The following SHANK1 variants were observed in gnomAD, a reference collection of about 807,000 sequenced individuals.
SHANK1 encodes the protein SH3 and multiple ankyrin repeat domains 1.
SHANK1 carries 35 observed loss-of-function variants against 165.6 expected under a neutral mutation model. The observed-to-expected ratio is 0.21, with a 90% CI of 0.16 to 0.28. SHANK1 has a LOEUF of 0.28. SHANK1 is among the 10% of genes least tolerant of loss of function. SHANK1 has a pLI of 1.00. For missense variants in SHANK1, 2,681 were observed against 3,036.4 expected, an observed-to-expected ratio of 0.88 and a Z score of 2.75; for synonymous variants, 1,428 against 1,384.8, an observed-to-expected ratio of 1.03 and a Z score of -0.69.
At chr19:50,709,125 T>C (rs1437952573) in intron 8 of SHANK1, among the ~76,000 whole-genome samples, 4 of 152,230 alleles carry the variant, frequency 2.6e-5, no homozygotes, top group African/African-American at 9.6e-5. Context: ...TTGATCCTTT[T>C]GCATGGTAGA....
intron 21 of SHANK1, among the ~76,000 whole-genome samples, chr19:50,682,756 G>C (rs192824339): frequency 4.6e-5 from 7 of 152,290 alleles, no homozygotes; most frequent in Admixed American, 1.3e-4. Context: ...AGTGAATATG[G>C]ATGGTAGCAT....
intron 21 of SHANK1, among the ~76,000 whole-genome samples, chr19:50,672,542 C>T: frequency 7.9e-6 from 1 of 125,954 alleles, no homozygotes. Context: ...GGCGACAGAG[C>T]CAGACTCTGT....
In SHANK1 at chr19:50,686,873, CGGCCTGTGGGCGTGGCCAGCAGGTGCG is replaced by C. The variant is rs1392801468; in HGVS notation, c.2390-88_2390-62del. 104 of 1,596,820 alleles carry C rather than the reference CGGCCTGTGGGCGTGGCCAGCAGGTGCG, an allele frequency of 6.5e-5. No homozygotes were observed. The Admixed American group carries it at 9.8e-4, about 15-fold the overall frequency. ...CCCCGGGGGCGGGGCGGAGCGGGCT[CGGCCTGTGGGCGTGGCCAGCAGGTGCG>C]GGCCAGTGGGCGTGGCGGGCGCGAG... On this transcript the variant is annotated intron_variant, in intron 19 of 23. Transcript: ENST00000293441. The surrounding 1 kb of genome is among the most constrained non-coding windows in gnomAD (Gnocchi z 5.7).
chr19:50,716,193 AGT>A lies in SHANK1; in HGVS notation c.459+80_459+81del. On this transcript the variant is annotated intron_variant, in intron 3 of 23. Coordinates refer to ENST00000293441, the MANE Select transcript of SHANK1 (RefSeq NM_016148.5). The surrounding 1 kb of genome is among the most constrained non-coding windows in gnomAD (Gnocchi z 8.4). ...TGGGTGCCCCCTCGTTAAGGTTTCG[AGT>A]GTGTTAAAAAGTGGGTGGGGGGCAG... The A allele has an allele frequency of 7.5e-7, 1 of 1,328,600 alleles. No homozygotes were observed. The highest frequency in any genetic ancestry group is 1.1e-6 in the Non-Finnish European group (1 of 930,298). The allele number at this position is 1,328,600 out of a possible 1,614,324, so 82.3% of individuals were successfully genotyped here. A position where few individuals can be genotyped will look rare whatever the true frequency, so the allele number is the denominator to read the frequency against.
chr19:50,705,526 T>C (rs1377429960), intron 8 of SHANK1, among the ~76,000 whole-genome samples: 1 of 152,180 alleles, frequency 6.6e-6, no homozygotes, highest in East Asian at 1.9e-4. Flanking sequence ...CCACTGGATG[T>C]TGGGGCCGGA....
In SHANK1 at chr19:50,702,788, G is replaced by A. The variant is rs374550994; in HGVS notation, c.1554-128C>T. 12 of 642,246 alleles carry A rather than the reference G, an allele frequency of 1.9e-5. No individual in the cohort carries two copies. Among genetic ancestry groups the A allele is most frequent in the South Asian group, 1.6e-4 (8 of 51,096 alleles). 39.8% of individuals were successfully genotyped at this position (642,246 alleles called of 1,614,324 possible). A position where few individuals can be genotyped will look rare whatever the true frequency, so the allele number is the denominator to read the frequency against. ...GGAGGGGGGGTTTCCCAGCACTGGC[G>A]TCCTCCAAGGAAGAGGGCATTTGGG... On this transcript the variant is annotated intron_variant, in intron 11 of 23. Transcript: ENST00000293441. The surrounding 1 kb of genome is among the most constrained non-coding windows in gnomAD (Gnocchi z 5.3).
chr19:50,689,089 T>A, intron 16 of SHANK1, 108 bp downstream of exon 16: 1 of 1,079,548 alleles, frequency 9.3e-7, no homozygotes, highest in Non-Finnish European at 1.4e-6. Context: ...CACCCCGGGG[T>A]GGGGTGGTGG....
intron 12 of SHANK1, among the ~76,000 whole-genome samples, chr19:50,699,444 A>G (rs1331600593): frequency 6.6e-6 from 1 of 152,144 alleles, no homozygotes; most frequent in African/African-American, 2.4e-5. Context: ...GCCAGATGGG[A>G]GTATATAACT....
chr19:50,673,646 G>A (rs895726718), intron 21 of SHANK1, among the ~76,000 whole-genome samples: 5 of 152,224 alleles, frequency 3.3e-5, no homozygotes, highest in Middle Eastern at 3.4e-3. Flanking sequence ...CCCTGAAGGC[G>A]GGGCTGATGT....
rs376613426 is a variant in SHANK1, at chr19:50,689,084, C to T, written c.2047+113G>A. 7.7e-4 allele frequency: 845 copies of T among 1,097,932 alleles called. 2 individuals are homozygous for T. The highest frequency in any genetic ancestry group is 1.5e-3 in the Middle Eastern group (5 of 3,350). The allele number at this position is 1,097,932 out of a possible 1,614,324, so 68.0% of individuals were successfully genotyped here. A position where few individuals can be genotyped will look rare whatever the true frequency, so the allele number is the denominator to read the frequency against. On this transcript the variant is annotated intron_variant, in intron 16 of 23. Coordinates refer to ENST00000293441, the MANE Select transcript of SHANK1 (RefSeq NM_016148.5). The stretch of plus-strand genomic sequence containing the variant: ...CACCGCAGCTGAGGGACCAGCACCC[C>T]GGGGTGGGGTGGTGGGCGGGCTGGG...
intron 9 of SHANK1, 85 bp from the exon 10 acceptor site, chr19:50,704,271 G>T: frequency 6.9e-7 from 1 of 1,438,912 alleles, no homozygotes; most frequent in Non-Finnish European, 9.8e-7. Flanking sequence ...TCCCTGGCCC[G>T]ACCCAAACCT....
In SHANK1 at chr19:50,686,033, A is replaced by T. The variant is rs1986320720; in HGVS notation, c.2577+204T>A. On this transcript the variant is annotated intron_variant, in intron 21 of 23. Transcript: ENST00000293441. The surrounding 1 kb of genome is among the most constrained non-coding windows in gnomAD (Gnocchi z 5.7). The stretch of plus-strand genomic sequence containing the variant: ...GGAAAGTGGAGAGAGAAAAGGACAG[A>T]GATGGGATTTGAGGGAAAGGGGATA... Among the ~76,000 whole-genome samples the T allele has an allele frequency of 7.2e-6, 1 of 139,458 alleles. No individual in the cohort carries two copies. Among genetic ancestry groups the T allele is most frequent in the African/African-American group, 2.5e-5 (1 of 39,646 alleles). 91.5% of individuals were successfully genotyped at this position (139,458 alleles called of 152,430 possible).
At chr19:50,711,869 G>A (rs1245968284) in intron 7 of SHANK1, 78 bp downstream of exon 7, 2 of 1,538,324 alleles carry the variant, frequency 1.3e-6, no homozygotes, top group East Asian at 4.5e-5. Flanking sequence ...CTGGCATCTG[G>A]TTCCCAGCCC....
At chr19:50,695,060 C>T (rs1986688340) in intron 15 of SHANK1, among the ~76,000 whole-genome samples, 1 of 146,648 alleles carries the variant, frequency 6.8e-6, no homozygotes, top group Non-Finnish European at 1.5e-5. Flanking sequence ...GCCCCAGCCC[C>T]GGCCCGGGTC....
At chr19:50,679,181 G>T (rs1223386214) in intron 21 of SHANK1, among the ~76,000 whole-genome samples, 1 of 148,378 alleles carries the variant, frequency 6.7e-6, no homozygotes, top group African/African-American at 2.5e-5. Context: ...GTGATGGGGG[G>T]GTGTCAGTGT....
chr19:50,704,221 G>C, intron 9 of SHANK1, 35 bp from the exon 10 acceptor site: 1 of 1,604,066 alleles, frequency 6.2e-7, no homozygotes, highest in Non-Finnish European at 8.5e-7. Flanking sequence ...TCGGCCAGGG[G>C]GGCCCAGGCA....
rs1225579975 is a variant in SHANK1 at position 50,668,804 on chromosome 19, G to C, written c.3156C>G (p.Gly1052=). 7.9e-7 allele frequency: 1 copy of C among 1,267,618 alleles called. No homozygotes were observed. The highest frequency in any genetic ancestry group is 4.0e-5 in the Admixed American group (1 of 24,770). 78.5% of individuals were successfully genotyped at this position (1,267,618 alleles called of 1,614,324 possible). A position where few individuals can be genotyped will look rare whatever the true frequency, so the allele number is the denominator to read the frequency against. Residue 1052 remains glycine (G), a synonymous_variant, in exon 23 of 24, where the codon GGC becomes GGG. Coordinates refer to ENST00000293441, the MANE Select transcript of SHANK1 (RefSeq NM_016148.5). The part of the protein sequence containing the change: ...GPQPSLRGWR[G]GGPSPTPGAP... ...CCCCCGGGGTCGGGCTGGGCCCGCCGCCCCTCCAGCCTCGCAGGCTGGGCT... is the reference window on the plus strand; with the variant it reads ...CCCCCGGGGTCGGGCTGGGCCCGCCCCCCCTCCAGCCTCGCAGGCTGGGCT...
At chr19:50,685,685 C>G (rs1428850635) in intron 21 of SHANK1, among the ~76,000 whole-genome samples, 2 of 152,102 alleles carry the variant, frequency 1.3e-5, no homozygotes, top group African/African-American at 4.8e-5. Context: ...GCTTGCCCCA[C>G]TGCACTCCAG....
At chr19:50,710,938 C>A (rs1016580934) in intron 8 of SHANK1, 1 of 166,228 alleles carries the variant, frequency 6.0e-6, no homozygotes, top group African/African-American at 2.4e-5. Flanking sequence ...CTTTTCTACT[C>A]CTGCTCATCT....
Sources: allele counts gnomAD v4.1 joint callset (sites outside exome capture counted in the v4.1 genomes callset), GRCh38; gene constraint gnomAD v4.1.1; non-coding constraint Gnocchi (gnomAD v3.1); transcripts MANE v1.5; gene names NCBI Gene and HGNC (gene_info 2026-07-23, HGNC 2026-07-21).